ESRRG: variants seen among roughly 807,000 people sequenced by gnomAD.
ESRRG encodes the protein estrogen-related receptor gamma.
In ESRRG, 13 loss-of-function variants were observed where a neutral mutation model predicts 44.0. That is an observed-to-expected ratio of 0.30 (90% confidence interval 0.19 to 0.47). ESRRG has a LOEUF of 0.47. ESRRG is among the 20% of genes least tolerant of loss of function. ESRRG has a pLI of 1.00. For missense variants in ESRRG, 395 were observed against 580.6 expected (o/e 0.68, Z 3.29); for synonymous variants, 215 against 214.6 (o/e 1.00, Z -0.02).
At position 216,912,315 on chromosome 1, in the gene ESRRG, AGAAG is replaced by A. The variant is rs1221870348; in HGVS notation, c.-14+27263_-14+27266del. Among the ~76,000 whole-genome samples the A allele has an allele frequency of 6.5e-5, 6 of 92,478 alleles. No individual in the cohort carries two copies. In the East Asian group the frequency reaches 1.0e-3, roughly 16 times the overall value. The allele number at this position is 92,478 out of a possible 152,430, so 60.7% of individuals were successfully genotyped here. On this transcript the variant is annotated intron_variant, in intron 2 of 7. Coordinates refer to the ESRRG transcript ENST00000359162. ...GGAAAGGAGGGAAGGAGGGAAGGAC[AGAAG>A]GAAGGAAGGAAGGAAAGAAGGAAGG... is the stretch of plus-strand genomic sequence containing the variant.
intron 1 of ESRRG, among the ~76,000 whole-genome samples, chr1:217,033,161 G>A (rs1185627364): frequency 2.0e-5 from 3 of 152,244 alleles, no homozygotes; most frequent in Admixed American, 2.0e-4. Context: ...TAAGGGAAAT[G>A]TAGTGGCCGA....
intron 2 of ESRRG, among the ~76,000 whole-genome samples, chr1:216,876,894 A>T (rs1013889948): frequency 2.6e-5 from 4 of 152,056 alleles, no homozygotes; most frequent in Admixed American, 2.0e-4. Context: ...ACAAATGCAT[A>T]GTGTCAAAGA....
At chr1:216,708,607 C>T (rs931746194) in intron 1 of ESRRG, among the ~76,000 whole-genome samples, 6 of 152,132 alleles carry the variant, frequency 3.9e-5, no homozygotes, top group African/African-American at 1.4e-4. Context: ...CGCTTTTACA[C>T]TGTTGATGAG....
chr1:216,745,566 C>T (rs962817782), intron 2 of ESRRG, among the ~76,000 whole-genome samples: 2 of 137,146 alleles, frequency 1.5e-5, no homozygotes, highest in African/African-American at 4.9e-5. Context: ...GGAGTTTTTA[C>T]CCTCTTGAGT....
chr1:216,875,273 CT>C (rs2096332240), intron 2 of ESRRG, among the ~76,000 whole-genome samples: 1 of 152,038 alleles, frequency 6.6e-6, no homozygotes, highest in South Asian at 2.1e-4. Context: ...ACAGATCTTG[CT>C]TTTAGAAGTT....
At chr1:216,528,393 T>A (rs2048318245) in intron 5 of ESRRG, among the ~76,000 whole-genome samples, 1 of 152,208 alleles carries the variant, frequency 6.6e-6, no homozygotes, top group Admixed American at 6.5e-5. Context: ...TTCTCTTATA[T>A]TTATAAGTAA....
intron 2 of ESRRG, among the ~76,000 whole-genome samples, chr1:216,751,106 G>A (rs2091965596): frequency 6.6e-6 from 1 of 152,040 alleles, no homozygotes; most frequent in Non-Finnish European, 1.5e-5. Context: ...TGGGAATTTT[G>A]GCATGCCAGA....
At chr1:216,880,304 CAAA>C (rs11301281) in intron 2 of ESRRG, among the ~76,000 whole-genome samples, 389 of 28,918 alleles carry the variant, frequency 0.013, 1 homozygote, top group African/African-American at 0.054. Context: ...GCCTCCCTCT[CAAA>C]AAAAAAAAAA....
At chr1:216,645,013 A>G (rs1232732346) in intron 3 of ESRRG, among the ~76,000 whole-genome samples, 1 of 152,194 alleles carries the variant, frequency 6.6e-6, no homozygotes, top group African/African-American at 2.4e-5. Context: ...AAATAAAACC[A>G]TACTGACTGC....
chr1:216,833,101 T>C (rs980543296), intron 2 of ESRRG, among the ~76,000 whole-genome samples: 2 of 152,150 alleles, frequency 1.3e-5, no homozygotes, highest in African/African-American at 2.4e-5. Context: ...TTCCAAGGCA[T>C]TGACTGCACT....
chr1:217,123,813 T>C (rs1444170052), intron 1 of ESRRG, among the ~76,000 whole-genome samples: 1 of 152,126 alleles, frequency 6.6e-6, no homozygotes, highest in Non-Finnish European at 1.5e-5. Flanking sequence ...CTGGGCTTAA[T>C]ATCTGGATGA....
chr1:216,820,125 G>A (rs980519679), intron 2 of ESRRG, among the ~76,000 whole-genome samples: 12 of 152,082 alleles, frequency 7.9e-5, no homozygotes, highest in African/African-American at 2.4e-4. Flanking sequence ...TAAATAAAAA[G>A]AAAAATTTTA....
At chr1:216,614,804 G>A (rs973867850) in intron 3 of ESRRG, among the ~76,000 whole-genome samples, 2 of 152,154 alleles carry the variant, frequency 1.3e-5, no homozygotes, top group African/African-American at 4.8e-5. Flanking sequence ...TTTAGCTGGT[G>A]CATTTAATAA....
intron 1 of ESRRG, among the ~76,000 whole-genome samples, chr1:217,041,610 C>T (rs2083883066): frequency 1.3e-5 from 2 of 152,112 alleles, no homozygotes; most frequent in African/African-American, 4.8e-5. Flanking sequence ...AAAAATCAGT[C>T]ACCACAACAA....
intron 1 of ESRRG, among the ~76,000 whole-genome samples, chr1:216,951,105 A>G (rs1275483955): frequency 6.6e-6 from 1 of 152,180 alleles, no homozygotes; most frequent in Non-Finnish European, 1.5e-5. Flanking sequence ...TATGTTTTAT[A>G]TCCTGTCAAC....
intron 2 of ESRRG, among the ~76,000 whole-genome samples, chr1:216,852,677 A>G (rs2095859745): frequency 6.6e-6 from 1 of 152,174 alleles, no homozygotes; most frequent in South Asian, 2.1e-4. Context: ...GATGCTCAAT[A>G]ATCATAGAAG....
chr1:216,891,924 C>T (rs2057853285), intron 2 of ESRRG, among the ~76,000 whole-genome samples: 4 of 151,658 alleles, frequency 2.6e-5, no homozygotes, highest in Admixed American at 1.3e-4. Flanking sequence ...CTTAGCCACC[C>T]GAGTAGCTGG....
rs200266104 is a variant in ESRRG, at chr1:216,746,324, T to C, written c.-13-68833A>G. Reference sequence around the variant, plus strand: ...TTTCCTAGATGGAAGCAATGTATAATAGAGGAGGCCCAAGCTAGGCTGATG... The same window carrying C: ...TTTCCTAGATGGAAGCAATGTATAACAGAGGAGGCCCAAGCTAGGCTGATG... On this transcript the variant is annotated intron_variant, in intron 2 of 7. Transcript: ENST00000359162. Among the ~76,000 whole-genome samples the C allele has an allele frequency of 2.3e-4, 35 of 152,220 alleles. No individual in the cohort carries two copies. The East Asian group carries it at 5.0e-3, about 22-fold the overall frequency.
chr1:216,997,602 T>C (rs1489684991), intron 1 of ESRRG, among the ~76,000 whole-genome samples: 1 of 152,232 alleles, frequency 6.6e-6, no homozygotes, highest in African/African-American at 2.4e-5. Flanking sequence ...TCTTTACTAT[T>C]TTACATTTGG....
Sources: allele counts gnomAD v4.1 joint callset (sites outside exome capture counted in the v4.1 genomes callset), GRCh38; gene constraint gnomAD v4.1.1; transcripts MANE v1.5; gene names NCBI Gene and HGNC (gene_info 2026-07-23, HGNC 2026-07-21).